MEGF6: variants seen among roughly 807,000 people sequenced by gnomAD.
MEGF6 encodes multiple epidermal growth factor-like domains protein 6.
A neutral mutation model predicts 207.1 loss-of-function variants in MEGF6; 184 were observed. That is an observed-to-expected ratio of 0.89 (90% CI 0.79 to 1.00). MEGF6 has a LOEUF of 1.00. Ranked by LOEUF, MEGF6 falls within the 50% of genes least tolerant of loss-of-function variation. MEGF6 has a pLI of 0.00. For synonymous variants in MEGF6, 1,038 were observed against 910.0 expected (o/e 1.14, Z -2.53); for missense variants, 2,282 against 2,202.9 (o/e 1.04, Z -0.72).
rs772925813 is a variant in MEGF6, at chr1:3,510,807, T to C, written c.1210A>G (p.Ser404Gly). 1.9e-6 allele frequency: 3 copies of C among 1,608,446 alleles called. No individual in the cohort carries two copies. Among genetic ancestry groups the C allele is most frequent in the East Asian group, 4.5e-5 (2 of 44,720 alleles). ...ECGCYAGYRL[S>G]ADGCGCEDVD... ...CCCTCACAGCCGCAGCCATCGGCAC[T>C]GAGCCGGTAGCCGGCGTAGCAGCCG... Residue 404 changes from serine to glycine, a missense_variant, in exon 10 of 37, where the codon AGT becomes GGT. Ser to Gly is a moderately conservative substitution (Grantham distance 56). Coordinates refer to ENST00000356575, the MANE Select transcript of MEGF6 (RefSeq NM_001409.4).
At position 3,524,182 on chromosome 1, in the gene MEGF6, G is replaced by A. The variant is rs1641872889; in HGVS notation, c.546C>T (p.Ser182=). The part of the protein sequence containing the change: ...CQHRCVNTPG[S]YLCECKPGFR... ...AGCCGGGCTTGCACTCACAGAGGTA[G>A]GAGCCTGGGGTGTTCACGCACCGGT... Residue 182 remains serine, a synonymous_variant, in exon 5 of 37, where the codon TCC becomes TCT. Coordinates refer to ENST00000356575, the MANE Select transcript of MEGF6 (RefSeq NM_001409.4). The A allele has an allele frequency of 6.2e-7, 1 of 1,612,980 alleles. No individual in the cohort carries two copies. Among genetic ancestry groups the A allele is most frequent in the Non-Finnish European group, 8.5e-7 (1 of 1,179,892 alleles).
At chr1:3,498,598 C>A (rs1640715017) in intron 25 of MEGF6, 99 bp from the exon 26 acceptor site, 2 of 1,483,614 alleles carry the variant, frequency 1.3e-6, no homozygotes, top group East Asian at 5.0e-5. Context: ...AGCCTACACC[C>A]CAGGGCGCTG....
intron 4 of MEGF6, among the ~76,000 whole-genome samples, chr1:3,526,023 CA>C (rs1318851444): frequency 6.6e-6 from 1 of 152,230 alleles, no homozygotes; most frequent in African/African-American, 2.4e-5. Context: ...GCCAGCTGGC[CA>C]GAGCACCCGG....
chr1:3,583,265 A>T (rs1643843859), intron 3 of MEGF6, among the ~76,000 whole-genome samples: 1 of 151,880 alleles, frequency 6.6e-6, no homozygotes, highest in Non-Finnish European at 1.5e-5. Context: ...ATGTGCTGAC[A>T]ACCCACAGCC....
At position 3,498,503 on chromosome 1, in the gene MEGF6, C is replaced by T. The variant is rs781486216; in HGVS notation, c.3224-4G>A. ...CTGACGTCCCGGGGGAGGCACTCTA[C>T]AGGAGCAGAGGCAGGCACGAGGGTG... On this transcript the variant is annotated splice_region_variant and splice_polypyrimidine_tract_variant and intron_variant, in intron 25 of 36. Transcript: ENST00000356575. 7.6e-6 allele frequency: 12 copies of T among 1,569,608 alleles called. No individual in the cohort carries two copies. The South Asian group carries it at 1.1e-4, about 15-fold the overall frequency.
chr1:3,535,428 C>G, intron 4 of MEGF6, among the ~76,000 whole-genome samples: 1 of 151,826 alleles, frequency 6.6e-6, no homozygotes, highest in South Asian at 2.1e-4. Flanking sequence ...AGCAGGGAGG[C>G]TGCCCCTCTC....
At chr1:3,515,252 G>T in intron 6 of MEGF6, 150 bp downstream of exon 6, 3 of 967,434 alleles carry the variant, frequency 3.1e-6, no homozygotes, top group Non-Finnish European at 4.5e-6. Flanking sequence ...CCCCCATCCT[G>T]AGCTTCCTGG....
rs74050560 is a variant in MEGF6, at chr1:3,515,417, C to T, written c.715G>A (p.Gly239Ser). The T allele has an allele frequency of 1.9e-4, 308 of 1,612,012 alleles. No individual in the cohort carries two copies. The African/African-American group carries it at 3.2e-3, about 17-fold the overall frequency. Residue 239 changes from glycine to serine, a missense_variant, in exon 6 of 37, where the codon GGC becomes AGC. Transcript: ENST00000356575. ...CRPGFQLQED[G>S]RHCVRRSPCA... The stretch of plus-strand genomic sequence containing the variant: ...CAGCACTCACGGACACAATGCCTGC[C>T]GTCCTCCTGGAGCTGGAACCCGGGC...
the MEGF6 span, among the ~76,000 whole-genome samples, chr1:3,622,082 G>A: frequency 6.6e-6 from 1 of 152,170 alleles, no homozygotes. Context: ...TAAGACTTTG[G>A]GGGACTGTTG....
Position 3,499,643 on chromosome 1 carries a change from G to T in MEGF6, c.2910C>A (p.Ala970=). The T allele has an allele frequency of 6.3e-7, 1 of 1,593,988 alleles. No homozygotes were observed. The highest frequency in any genetic ancestry group is 8.5e-7 in the Non-Finnish European group (1 of 1,171,384). ...CGGGGCAGAGGCAGGAGCCATTCACGGCATCACAGGCAGCTCCGGCGGTGC... is the reference window on the plus strand; with the variant it reads ...CGGGGCAGAGGCAGGAGCCATTCACTGCATCACAGGCAGCTCCGGCGGTGC... ...CNCTAGAACD[A]VNGSCLCPAG... Residue 970 remains alanine, a synonymous_variant, in exon 23 of 37, where the codon GCC becomes GCA. Coordinates refer to ENST00000356575, the MANE Select transcript of MEGF6 (RefSeq NM_001409.4).
At position 3,499,260 on chromosome 1, in the gene MEGF6, G is replaced by A. The variant is rs754836539; in HGVS notation, c.2972C>T (p.Pro991Leu). 6 of 1,604,404 alleles carry A rather than the reference G, an allele frequency of 3.7e-6. No individual in the cohort carries two copies. Among genetic ancestry groups the A allele is most frequent in the Admixed American group, 3.4e-5 (2 of 59,118 alleles). ...RRGPRCAETC[P>L]AHTYGHNCSQ... ...GCAATTGTGCCCGTAGGTGTGGGCTGGGCAGGCTGCAGGTGGAGAGGGCTG... is the reference window on the plus strand; with the variant it reads ...GCAATTGTGCCCGTAGGTGTGGGCTAGGCAGGCTGCAGGTGGAGAGGGCTG... Residue 991 changes from proline (P) to leucine (L), a missense_variant, in exon 24 of 37, where the codon CCA becomes CTA. Physicochemically the swap from Pro to Leu is moderately conservative, Grantham distance 98. Coordinates refer to ENST00000356575, the MANE Select transcript of MEGF6 (RefSeq NM_001409.4).
intron 4 of MEGF6, among the ~76,000 whole-genome samples, chr1:3,571,115 TG>T (rs1418626778): frequency 3.5e-4 from 53 of 152,130 alleles, no homozygotes; most frequent in African/African-American, 1.3e-3. Flanking sequence ...AGAGAGGGTC[TG>T]GGGGACCAGG....
chr1:3,531,027 G>T, intron 4 of MEGF6: 1 of 1,435,526 alleles, frequency 7.0e-7, no homozygotes, highest in Non-Finnish European at 9.1e-7. Context: ...AAGGGAGCGC[G>T]CCGGGGAGCG....
chr1:3,503,334 G>A (rs530734772), intron 17 of MEGF6, among the ~76,000 whole-genome samples: 14 of 152,292 alleles, frequency 9.2e-5, no homozygotes, highest in Non-Finnish European at 1.3e-4. Context: ...TGCTGGGCAG[G>A]AACAGTTTCC....
intron 17 of MEGF6, among the ~76,000 whole-genome samples, chr1:3,504,142 A>T (rs1641014782): frequency 1.3e-5 from 2 of 150,812 alleles, no homozygotes; most frequent in South Asian, 4.1e-4. Flanking sequence ...GCCCCAGGGG[A>T]GGCAGAGGAG....
intron 1 of MEGF6, among the ~76,000 whole-genome samples, chr1:3,603,147 C>T (rs1270082265): frequency 6.6e-6 from 1 of 152,208 alleles, no homozygotes; most frequent in Non-Finnish European, 1.5e-5. Context: ...AAAACCCCAG[C>T]CCCATCCCTG....
chr1:3,493,678 C>G, intron 34 of MEGF6, 93 bp downstream of exon 34: 3 of 1,520,600 alleles, frequency 2.0e-6, no homozygotes, highest in Admixed American at 1.9e-5. Flanking sequence ...GGTGGCCAGC[C>G]CAGGACTGGC....
intron 4 of MEGF6, among the ~76,000 whole-genome samples, chr1:3,559,501 A>G (rs6702879): frequency 2.2e-4 from 32 of 148,322 alleles, no homozygotes; most frequent in African/African-American, 7.5e-4. Flanking sequence ...CAACCTGGAC[A>G]AAGAGCTAGA....
chr1:3,602,626 C>A, intron 1 of MEGF6, 26 bp from the exon 2 acceptor site: 1 of 1,583,236 alleles, frequency 6.3e-7, no homozygotes, highest in South Asian at 1.1e-5. Flanking sequence ...GGAGAGTCAG[C>A]GCCTCGGCCA....
Sources: allele counts gnomAD v4.1 joint callset (sites outside exome capture counted in the v4.1 genomes callset), GRCh38; gene constraint gnomAD v4.1.1; transcripts MANE v1.5; gene names NCBI Gene and HGNC (gene_info 2026-07-23, HGNC 2026-07-21).